The following GOLGA8S variants were observed in gnomAD, a reference collection of about 807,000 sequenced individuals.
GOLGA8S encodes the protein golgin A8 family member S.
A neutral mutation model predicts 58.9 loss-of-function variants in GOLGA8S; 23 were observed. The observed-to-expected ratio is 0.39, with a 90% confidence interval of 0.28 to 0.55. The LOEUF is 0.55. GOLGA8S is among the 20% of genes least tolerant of loss of function. The pLI is 0.63. For synonymous variants in GOLGA8S, 84 were observed against 195.7 expected (o/e 0.43, Z 4.76); for missense variants, 266 against 514.2 (o/e 0.52, Z 4.67).
rs1415425881 is a variant in GOLGA8S at position 23,361,055 on chromosome 15, A to G, written c.875-166A>G. Reference sequence around the variant, plus strand: ...CTGAAAGTGCTTTGGAAGACTGGCTACCATCTGGGTGCGAGGAATCATTAG... The same window carrying G: ...CTGAAAGTGCTTTGGAAGACTGGCTGCCATCTGGGTGCGAGGAATCATTAG... On this transcript the variant is annotated intron_variant, in intron 11 of 18. Transcript: ENST00000562295. Among the ~76,000 whole-genome samples, 4 of 147,646 alleles carry G rather than the reference A, an allele frequency of 2.7e-5. 1 individual carries two copies. Among genetic ancestry groups the G allele is most frequent in the Non-Finnish European group, 6.0e-5 (4 of 66,494 alleles).
exon 18 of GOLGA8S, chr15:23,364,839 C>G: frequency 2.0e-6 from 3 of 1,506,206 alleles, no homozygotes; most frequent in Non-Finnish European, 2.7e-6. Context: ...GGAGCCCCAG[C>G]CCCCCAGGAG....
chr15:23,363,815 G>T, intron 15 of GOLGA8S, 46 bp downstream of exon 15: 2 of 520,876 alleles, frequency 3.8e-6, no homozygotes, highest in East Asian at 4.3e-5. Flanking sequence ...TTTCTCTGTG[G>T]TCCCTCCAAG....
At chr15:23,364,433 A>G (rs778407713) in exon 16 of GOLGA8S, 2 of 1,605,124 alleles carry the variant, frequency 1.2e-6, no homozygotes, top group Non-Finnish European at 1.7e-6. Context: ...CTGGCAAGAG[A>G]GATGCCATCA....
chr15:23,362,759 G>C (rs1252593140), intron 13 of GOLGA8S, among the ~76,000 whole-genome samples: 2 of 143,376 alleles, frequency 1.4e-5, no homozygotes, highest in African/African-American at 5.5e-5. Context: ...GCCCCACAGT[G>C]CCCTCGCTAC....
upstream of GOLGA8S, chr15:23,354,799 G>C: frequency 4.3e-6 from 1 of 234,528 alleles, no homozygotes; most frequent in Non-Finnish European, 7.9e-6. Flanking sequence ...GTGCTTGGTG[G>C]GATTTTGCTG....
At chr15:23,364,406 C>G in exon 16 of GOLGA8S, 1 of 1,604,516 alleles carries the variant, frequency 6.2e-7, no homozygotes, top group Non-Finnish European at 8.5e-7. Flanking sequence ...GAAACAAGAA[C>G]TTCGCTTCAT....
At chr15:23,365,378 G>A, downstream of GOLGA8S, 1 of 613,284 alleles carries the variant, frequency 1.6e-6, no homozygotes, top group Non-Finnish European at 2.8e-6. Flanking sequence ...CATAATTGTA[G>A]GTCATTAGCA....
chr15:23,356,416 T>G (rs1263605924), intron 1 of GOLGA8S, among the ~76,000 whole-genome samples, 175 bp from the exon 2 acceptor site: 1 of 126,872 alleles, frequency 7.9e-6, no homozygotes, highest in East Asian at 3.6e-4. Context: ...TCTTTTTTTT[T>G]CTAGCCATGA....
chr15:23,362,612 C>A (rs2069821075), intron 13 of GOLGA8S, among the ~76,000 whole-genome samples: 1 of 139,550 alleles, frequency 7.2e-6, no homozygotes, highest in African/African-American at 2.8e-5. Context: ...ACTTTTCTAC[C>A]ATTCTGTGGC....
chr15:23,356,191 G>C (rs62001544), intron 1 of GOLGA8S, among the ~76,000 whole-genome samples: 1 of 143,382 alleles, frequency 7.0e-6, no homozygotes, highest in African/African-American at 2.5e-5. Context: ...ATTGATATAA[G>C]AGTTTGAGAG....
downstream of GOLGA8S, chr15:23,365,215 T>G: frequency 3.2e-6 from 4 of 1,246,216 alleles, no homozygotes; most frequent in Non-Finnish European, 4.6e-6. Context: ...ACACAATTCA[T>G]TTACTTCCTT....
At position 23,360,777 on chromosome 15, in the gene GOLGA8S, C is replaced by T. The variant is rs368498592; in HGVS notation, c.836C>T (p.Thr279Met). Reference sequence around the variant, plus strand: ...AAGCATGATAAATATCGGGTAGAGACGCTGGAGAGGAGCTTGTCCAAACTC... The same window carrying T: ...AAGCATGATAAATATCGGGTAGAGATGCTGGAGAGGAGCTTGTCCAAACTC... The change falls in exon 11 of 19, where the codon ACG becomes ATG. Residue 279 changes from threonine to methionine, a missense_variant. This residue lies in a region of GOLGA8S where 114 missense variants were observed against 120.7 expected (regional missense o/e 0.94). Transcript: ENST00000562295. The T allele has an allele frequency of 5.8e-5, 82 of 1,414,160 alleles. 5 individuals are homozygous for T. The highest frequency in any genetic ancestry group is 1.6e-4 in the African/African-American group (11 of 69,340). 87.6% of individuals were successfully genotyped at this position (1,414,160 alleles called of 1,614,324 possible). A position where few individuals can be genotyped will look rare whatever the true frequency, so the allele number is the denominator to read the frequency against.
At chr15:23,363,794 A>G in intron 15 of GOLGA8S, 25 bp downstream of exon 15, 1 of 548,774 alleles carries the variant, frequency 1.8e-6, no homozygotes, top group Non-Finnish European at 3.1e-6. Context: ...CCCTGCACCC[A>G]TTTTGCCACC....
chr15:23,361,755 A>T (rs2069807038), exon 13 of GOLGA8S: 1 of 706,030 alleles, frequency 1.4e-6, no homozygotes, highest in Non-Finnish European at 2.5e-6. Context: ...CTACAGTTGG[A>T]GCAGCAAGTA....
intron 13 of GOLGA8S, among the ~76,000 whole-genome samples, chr15:23,362,808 GT>G (rs2069824223): frequency 1.4e-5 from 2 of 143,998 alleles, no homozygotes; most frequent in Non-Finnish European, 3.0e-5. Context: ...CAGCCACCAT[GT>G]GCCCTCACAC....
At chr15:23,360,591 C>G in intron 10 of GOLGA8S, 59 bp downstream of exon 10, 1 of 1,056,360 alleles carries the variant, frequency 9.5e-7, no homozygotes, top group Non-Finnish European at 1.5e-6. Flanking sequence ...TTTCTGGGCA[C>G]CTGTAAAATG....
Position 23,359,148 on chromosome 15 carries a change from AAGGAG to A in GOLGA8S, c.533_537del (p.Gly178ValfsTer24), listed in dbSNP as rs2069740072. On this transcript the variant is annotated frameshift_variant, in exon 8 of 19. Transcript: ENST00000562295. LOFTEE classifies it high-confidence loss of function. ...CGTCTGCAACATTCATTGCAGCGTA[AAGGAG>A]AGTTAGAGCGGGCTCTCTCTGCTGT... The A allele has an allele frequency of 1.5e-6, 1 of 666,188 alleles. No homozygotes were observed. The highest frequency in any genetic ancestry group is 2.2e-5 in the African/African-American group (1 of 45,070). The allele number at this position is 666,188 out of a possible 1,614,324, so 41.3% of individuals were successfully genotyped here.
At chr15:23,365,591 G>C (rs181146567), downstream of GOLGA8S, 1,305 of 271,676 alleles carry the variant, frequency 4.8e-3, 18 homozygotes, top group African/African-American at 0.016. Context: ...TGAGCTCTTC[G>C]TTAGCTCAAT....
downstream of GOLGA8S, chr15:23,366,052 A>T (rs1451827895): frequency 6.6e-6 from 1 of 150,604 alleles, no homozygotes; most frequent in Non-Finnish European, 1.5e-5. Context: ...TTAAACTCAG[A>T]GTTCATGTTA....
Sources: gnomAD v4.1 joint callset for allele counts (sites outside exome capture counted in the v4.1 genomes callset) on GRCh38, gnomAD v4.1.1 for gene constraint, gnomAD v4.1.1 regional missense constraint, MANE v1.5 for transcripts, NCBI Gene and HGNC (gene_info 2026-07-23, HGNC 2026-07-21) for gene names.